RBFOX1: variants seen among roughly 807,000 people sequenced by gnomAD.
RBFOX1 encodes the protein RNA binding protein fox-1 homolog 1.
In RBFOX1, 8 loss-of-function variants were observed where a neutral mutation model predicts 57.7. That is an observed-to-expected ratio of 0.14 (90% CI 0.08 to 0.25). RBFOX1 has a LOEUF of 0.25. Among genes scored for constraint, RBFOX1 ranks in the 10% least tolerant of loss-of-function variants. The pLI, the probability that RBFOX1 is intolerant of heterozygous loss-of-function variation, is 1.00. For missense variants in RBFOX1, 611 were observed against 548.5 expected, an observed-to-expected ratio of 1.11 and a Z score of -1.14; for synonymous variants, 326 against 222.4, an observed-to-expected ratio of 1.47 and a Z score of -4.15.
intron 4 of RBFOX1, among the ~76,000 whole-genome samples, chr16:7,231,146 G>A (rs770202525): frequency 6.6e-6 from 1 of 152,118 alleles, no homozygotes; most frequent in Non-Finnish European, 1.5e-5. Context: ...TGTCTCCATG[G>A]TAGACAAGAG....
At chr16:6,364,172 G>T (rs1232736015) in intron 2 of RBFOX1, among the ~76,000 whole-genome samples, 1 of 152,184 alleles carries the variant, frequency 6.6e-6, no homozygotes, top group Non-Finnish European at 1.5e-5. Context: ...TGCAAGCCAG[G>T]AAAAATAGGA....
At position 6,768,930 on chromosome 16, in the gene RBFOX1, T is replaced by C. The variant is rs182160877; in HGVS notation, c.-16+114280T>C. Among the ~76,000 whole-genome samples, 5 of 152,102 alleles carry C rather than the reference T, an allele frequency of 3.3e-5. No homozygotes were observed. The East Asian group carries it at 7.7e-4, about 24-fold the overall frequency. ...TTTTAGGAGAGATGGGGTTTCACCA[T>C]GTTGGCCAGGCTGGTCTCAAACTCC... On this transcript the variant is annotated intron_variant, in intron 3 of 15. Coordinates refer to ENST00000550418, the MANE Select transcript of RBFOX1 (RefSeq NM_018723.4).
intron 3 of RBFOX1, among the ~76,000 whole-genome samples, chr16:5,848,646 C>T (rs141284873): frequency 6.6e-6 from 1 of 152,120 alleles, no homozygotes; most frequent in African/African-American, 2.4e-5. Context: ...CAGTTAAAAA[C>T]AAGAGCATAA....
intron 4 of RBFOX1, among the ~76,000 whole-genome samples, chr16:7,516,954 T>A (rs1469525813): frequency 6.6e-6 from 1 of 152,136 alleles, no homozygotes; most frequent in African/African-American, 2.4e-5. Context: ...AATTCTGATA[T>A]TTTTGCCCTA....
chr16:5,307,702 G>A, intron 1 of RBFOX1, among the ~76,000 whole-genome samples: 1 of 152,102 alleles, frequency 6.6e-6, no homozygotes, highest in East Asian at 1.9e-4. Context: ...TAGAGACACG[G>A]TCTCACTCTG....
intron 2 of RBFOX1, among the ~76,000 whole-genome samples, chr16:5,490,632 T>A (rs987166562): frequency 6.6e-6 from 1 of 152,166 alleles, no homozygotes; most frequent in Admixed American, 6.5e-5. Flanking sequence ...TTGGTTCCTC[T>A]GGGCACTCCT....
chr16:7,120,300 A>G (rs1398124263), intron 4 of RBFOX1, among the ~76,000 whole-genome samples: 1 of 151,866 alleles, frequency 6.6e-6, no homozygotes, highest in East Asian at 1.9e-4. Context: ...CAAATCAAAA[A>G]CTAATACATG....
At chr16:5,494,951 G>C (rs999048975) in intron 2 of RBFOX1, among the ~76,000 whole-genome samples, 1 of 152,202 alleles carries the variant, frequency 6.6e-6, no homozygotes, top group Non-Finnish European at 1.5e-5. Context: ...GAATAATACA[G>C]CGTGGTCGCA....
At chr16:6,466,513 A>G (rs2095053814) in intron 2 of RBFOX1, among the ~76,000 whole-genome samples, 1 of 152,184 alleles carries the variant, frequency 6.6e-6, no homozygotes, top group Non-Finnish European at 1.5e-5. Flanking sequence ...CCAGAGCCAG[A>G]ATTCAACCTT....
chr16:6,761,706 G>A (rs997544867), intron 3 of RBFOX1, among the ~76,000 whole-genome samples: 3 of 151,174 alleles, frequency 2.0e-5, no homozygotes, highest in Non-Finnish European at 3.0e-5. Flanking sequence ...GAGGTTTCAC[G>A]AACTTGGCCA....
intron 3 of RBFOX1, among the ~76,000 whole-genome samples, chr16:6,825,423 C>T (rs376904274): frequency 1.3e-5 from 2 of 152,028 alleles, no homozygotes; most frequent in African/African-American, 2.4e-5. Context: ...TTCAGCAAGG[C>T]AGGGATGATT....
chr16:5,938,724 G>A (rs963237047), intron 4 of RBFOX1, among the ~76,000 whole-genome samples: 3 of 152,008 alleles, frequency 2.0e-5, no homozygotes, highest in Non-Finnish European at 1.5e-5. Context: ...ATTGCTCCAG[G>A]TGACACCATC....
chr16:7,433,449 C>G (rs1326481319), intron 4 of RBFOX1, among the ~76,000 whole-genome samples: 2 of 152,158 alleles, frequency 1.3e-5, no homozygotes, highest in Admixed American at 1.3e-4. Context: ...AATGAATGTT[C>G]CATGTAGAGC....
chr16:6,400,898 C>G (rs2093042776), intron 2 of RBFOX1, among the ~76,000 whole-genome samples: 1 of 152,140 alleles, frequency 6.6e-6, no homozygotes, highest in Non-Finnish European at 1.5e-5. Context: ...CAAACATACA[C>G]ACAAAATCAG....
At chr16:7,082,634 C>T (rs1390002824) in intron 4 of RBFOX1, among the ~76,000 whole-genome samples, 1 of 151,892 alleles carries the variant, frequency 6.6e-6, no homozygotes, top group Non-Finnish European at 1.5e-5. Flanking sequence ...AGTCATTTTT[C>T]ACATTTCGTT....
intron 1 of RBFOX1, among the ~76,000 whole-genome samples, chr16:5,319,836 G>C (rs973256710): frequency 6.6e-6 from 1 of 152,180 alleles, no homozygotes; most frequent in Non-Finnish European, 1.5e-5. Context: ...TCAACTCTGT[G>C]ACTACATCAT....
chr16:7,070,859 G>C (rs2057190363), intron 4 of RBFOX1, among the ~76,000 whole-genome samples: 1 of 152,160 alleles, frequency 6.6e-6, no homozygotes, highest in East Asian at 1.9e-4. Context: ...AATTGACCAA[G>C]GGTGACAAAA....
chr16:7,461,493 G>A (rs34744621), intron 4 of RBFOX1, among the ~76,000 whole-genome samples: 3,711 of 152,192 alleles, frequency 0.024, 62 homozygotes, highest in Non-Finnish European at 0.04. Context: ...AAATTTTATA[G>A]AATAATTGAG....
intron 1 of RBFOX1, among the ~76,000 whole-genome samples, chr16:5,345,308 G>T (rs578195031): frequency 3.3e-5 from 5 of 152,168 alleles, no homozygotes; most frequent in Non-Finnish European, 7.4e-5. Flanking sequence ...TGGGAAACAG[G>T]TGCCATGCCC....
Sources: allele counts gnomAD v4.1 joint callset (sites outside exome capture counted in the v4.1 genomes callset), GRCh38; gene constraint gnomAD v4.1.1; transcripts MANE v1.5; gene names NCBI Gene and HGNC (gene_info 2026-07-23, HGNC 2026-07-21).